TRIM47: variants seen among roughly 807,000 people sequenced by gnomAD.
The protein encoded by TRIM47 is E3 ubiquitin-protein ligase TRIM47.
Under a neutral mutation model 54.4 loss-of-function variants are expected in TRIM47, and 46 were observed. That is an observed-to-expected ratio of 0.84 (90% CI 0.67 to 1.08). TRIM47 has a LOEUF of 1.08. TRIM47 is among the 50% of genes least tolerant of loss of function. TRIM47 has a pLI of 0.00. For missense variants in TRIM47, 825 were observed against 910.1 expected, an observed-to-expected ratio of 0.91 and a Z score of 1.20; for synonymous variants, 392 against 410.2, an observed-to-expected ratio of 0.96 and a Z score of 0.54.
At position 75,875,774 on chromosome 17, in the gene TRIM47, G is replaced by A; in HGVS notation, c.1201+127C>T. The stretch of plus-strand genomic sequence containing the variant: ...GGGTGGCAGCTCTAGTCACTGGCAG[G>A]ATTTGGGCTCCTCCCTGTGCCAGGC... On this transcript the variant is annotated intron_variant, in intron 4 of 5. Coordinates refer to ENST00000254816, the MANE Select transcript of TRIM47 (RefSeq NM_033452.3). The surrounding 1 kb of genome is among the most constrained non-coding windows in gnomAD (Gnocchi z 6.1). 8.7e-7 allele frequency: 1 copy of A among 1,150,152 alleles called. No homozygotes were observed. The highest frequency in any genetic ancestry group is 1.2e-6 in the Non-Finnish European group (1 of 818,948). 71.2% of individuals were successfully genotyped at this position (1,150,152 alleles called of 1,614,324 possible).
rs776131189 is a variant in TRIM47 at position 75,874,866 on chromosome 17, G to A, written c.1534C>T (p.Arg512Trp). The A allele has an allele frequency of 9.3e-6, 15 of 1,613,986 alleles. No individual in the cohort carries two copies. The highest frequency in any genetic ancestry group is 2.2e-5 in the East Asian group (1 of 44,876). Residue 512 changes from arginine (R) to tryptophan (W), a missense_variant, in exon 6 of 6, where the codon CGG becomes TGG. Physicochemically the swap from Arg to Trp is moderately radical, Grantham distance 101 (BLOSUM62 -3). Coordinates refer to ENST00000254816, the MANE Select transcript of TRIM47 (RefSeq NM_033452.3). The surrounding 1 kb of genome is among the most constrained non-coding windows in gnomAD (Gnocchi z 6.2). The part of the protein sequence containing the change: ...FSPQEPYDRG[R>W]LGRNAHSCCL... ...CAGGAGTGGGCGTTGCGGCCCAGCC[G>A]GCCGCGGTCGTAGGGCTCTTGTGGG... is the stretch of plus-strand genomic sequence containing the variant.
intron 1 of TRIM47, chr17:75,877,237 C>G (rs1413701223): frequency 9.5e-6 from 2 of 210,008 alleles, no homozygotes; most frequent in Non-Finnish European, 2.0e-5. Flanking sequence ...AGCCTGCATC[C>G]ACAGTCCAGG....
chr17:75,874,637 G>A lies in TRIM47; in HGVS notation c.1763C>T (p.Ser588Phe), dbSNP rs1373463201. 2 of 1,586,796 alleles carry A rather than the reference G, an allele frequency of 1.3e-6. No homozygotes were observed. Among genetic ancestry groups the A allele is most frequent in the Admixed American group, 1.8e-5 (1 of 55,602 alleles). Residue 588 changes from serine to phenylalanine, a missense_variant, in exon 6 of 6, where the codon TCC becomes TTC. Ser to Phe is a radical substitution (Grantham distance 155). Transcript: ENST00000254816. The surrounding 1 kb of genome is among the most constrained non-coding windows in gnomAD (Gnocchi z 6.2). Reference protein sequence around the residue: ...SRPRRGGIPASPIDPFQSRLD... With the variant: ...SRPRRGGIPAFPIDPFQSRLD... ...GCGGCTCTGGAAGGGGTCAATGGGGGAGGCCGGGATGCCACCCCGGCGGGG... is the reference window on the plus strand; with the variant it reads ...GCGGCTCTGGAAGGGGTCAATGGGGAAGGCCGGGATGCCACCCCGGCGGGG...
Position 75,875,037 on chromosome 17 carries a change from G to T in TRIM47, c.1363C>A (p.Pro455Thr). Reference sequence around the variant, plus strand: ...GTGGGCGACAAGGGGTAGTTGATAGGACACAGCACCCTCTTGACACCTTTG... The same window carrying T: ...GTGGGCGACAAGGGGTAGTTGATAGTACACAGCACCCTCTTGACACCTTTG... ...GTKGVKRVLC[P>T]INYPLSPTRF... The change falls in exon 6 of 6, where the codon CCT becomes ACT. Residue 455 changes from proline (P) to threonine (T), a missense_variant. By Grantham distance (38) the Pro-to-Thr change is conservative. Coordinates refer to ENST00000254816, the MANE Select transcript of TRIM47 (RefSeq NM_033452.3). The surrounding 1 kb of genome is among the most constrained non-coding windows in gnomAD (Gnocchi z 6.1). 1 of 1,613,918 alleles carries T rather than the reference G, an allele frequency of 6.2e-7. No individual in the cohort carries two copies. The highest frequency in any genetic ancestry group is 8.5e-7 in the Non-Finnish European group (1 of 1,179,816).
Position 75,874,813 on chromosome 17 carries a change from G to A in TRIM47, c.1587C>T (p.Phe529=). Residue 529 remains phenylalanine, a synonymous_variant, in exon 6 of 6, where the codon TTC becomes TTT. Transcript: ENST00000254816. This position sits in a 1 kb window ranked among gnomAD's most constrained non-coding sequence, Gnocchi z 6.2. Reference sequence around the variant, plus strand: ...CCTCCAGCCCATGAAACCAGACGGAGAAGCTGCGTCCATTCCACTGCAGGC... The same window carrying A: ...CCTCCAGCCCATGAAACCAGACGGAAAAGCTGCGTCCATTCCACTGCAGGC... ...SCCLQWNGRS[F]SVWFHGLEAP... is the part of the protein sequence containing the mutation. 1 of 1,614,074 alleles carries A rather than the reference G, an allele frequency of 6.2e-7. No individual in the cohort carries two copies. The highest frequency in any genetic ancestry group is 8.5e-7 in the Non-Finnish European group (1 of 1,180,004).
At position 75,876,825 on chromosome 17, in the gene TRIM47, AC is replaced by A; in HGVS notation, c.676-13del. On this transcript the variant is annotated splice_polypyrimidine_tract_variant and intron_variant, in intron 1 of 5. Coordinates refer to ENST00000254816, the MANE Select transcript of TRIM47 (RefSeq NM_033452.3). ...TTGGACTGCTCAGCCTGTGGACAACACCCTCCATGAGTGTGAGGTCTGGCAG... is the reference window on the plus strand; with the variant it reads ...TTGGACTGCTCAGCCTGTGGACAACACCTCCATGAGTGTGAGGTCTGGCAG... 1 of 1,612,972 alleles carries A rather than the reference AC, an allele frequency of 6.2e-7. No individual in the cohort carries two copies. Among genetic ancestry groups the A allele is most frequent in the Non-Finnish European group, 8.5e-7 (1 of 1,179,662 alleles).
rs140656782 is a variant in TRIM47, at chr17:75,874,896, A to C, written c.1504T>G (p.Phe502Val). ...CGGTCGTAGGGCTCTTGTGGGGAGA[A>C]GTCTTCGGCCATGACCCCCATGCTG... ...WVSMGVMAED[F>V]SPQEPYDRGR... The change falls in exon 6 of 6, where the codon TTC becomes GTC. Residue 502 changes from phenylalanine to valine, a missense_variant. Transcript: ENST00000254816. This position sits in a 1 kb window ranked among gnomAD's most constrained non-coding sequence, Gnocchi z 6.2. The C allele has an allele frequency of 7.8e-4, 1,255 of 1,614,118 alleles. 9 individuals carry two copies. The highest frequency in any genetic ancestry group is 6.1e-3 in the South Asian group (554 of 91,084).
chr17:75,875,774 G>T lies in TRIM47; in HGVS notation c.1201+127C>A. 1 of 1,150,150 alleles carries T rather than the reference G, an allele frequency of 8.7e-7. No homozygotes were observed. Among genetic ancestry groups the T allele is most frequent in the Non-Finnish European group, 1.2e-6 (1 of 818,946 alleles). 71.2% of individuals were successfully genotyped at this position (1,150,150 alleles called of 1,614,324 possible). Reference sequence around the variant, plus strand: ...GGGTGGCAGCTCTAGTCACTGGCAGGATTTGGGCTCCTCCCTGTGCCAGGC... The same window carrying T: ...GGGTGGCAGCTCTAGTCACTGGCAGTATTTGGGCTCCTCCCTGTGCCAGGC... On this transcript the variant is annotated intron_variant, in intron 4 of 5. Coordinates refer to ENST00000254816, the MANE Select transcript of TRIM47 (RefSeq NM_033452.3). The surrounding 1 kb of genome is among the most constrained non-coding windows in gnomAD (Gnocchi z 6.1).
rs201939212 is a variant in TRIM47 at position 75,875,522 on chromosome 17, C to G, written c.1202-48G>C. On this transcript the variant is annotated intron_variant, in intron 4 of 5. Transcript: ENST00000254816. This position sits in a 1 kb window ranked among gnomAD's most constrained non-coding sequence, Gnocchi z 6.1. ...GAGAACGCCCCCAGACTGCCCCCCT[C>G]TGAACCTGTGACTACAATCCCTACC... 5.2e-6 allele frequency: 8 copies of G among 1,547,366 alleles called. No homozygotes were observed. In the Admixed American group the frequency reaches 1.2e-4, roughly 23 times the overall value.
chr17:75,877,461 C>T (rs1378730618), intron 1 of TRIM47: 3 of 197,900 alleles, frequency 1.5e-5, no homozygotes, highest in East Asian at 1.3e-4. Context: ...TCGCCCTCTG[C>T]CGCCCTCCTG....
At position 75,878,133 on chromosome 17, in the gene TRIM47, G is replaced by C; in HGVS notation, c.416C>G (p.Pro139Arg). ...GCAGGAGAGGCAGGACAGCGCGGCG[G>C]GCAGGGCCGCGCCCTCGGGGCACGC... ...CDACPEGAAL[P>R]AALSCLSCLA... Residue 139 changes from proline to arginine, a missense_variant, in exon 1 of 6, where the codon CCC (proline) becomes CGC (arginine). Pro to Arg is a moderately radical substitution (Grantham distance 103). Coordinates refer to ENST00000254816, the MANE Select transcript of TRIM47 (RefSeq NM_033452.3). The C allele has an allele frequency of 1.6e-6, 2 of 1,256,858 alleles. No homozygotes were observed. The highest frequency in any genetic ancestry group is 2.0e-6 in the Non-Finnish European group (2 of 1,002,130). The allele number at this position is 1,256,858 out of a possible 1,614,324, so 77.9% of individuals were successfully genotyped here.
Position 75,875,034 on chromosome 17 carries a change from T to A in TRIM47, c.1366A>T (p.Ile456Phe). The A allele has an allele frequency of 6.2e-7, 1 of 1,614,082 alleles. No individual in the cohort carries two copies. The highest frequency in any genetic ancestry group is 8.5e-7 in the Non-Finnish European group (1 of 1,179,976). ...TKGVKRVLCP[I>F]NYPLSPTRFT... ...CGGGTGGGCGACAAGGGGTAGTTGA[T>A]AGGACACAGCACCCTCTTGACACCT... Residue 456 changes from isoleucine (I) to phenylalanine (F), a missense_variant, in exon 6 of 6, where the codon ATC becomes TTC. Coordinates refer to ENST00000254816, the MANE Select transcript of TRIM47 (RefSeq NM_033452.3). This position sits in a 1 kb window ranked among gnomAD's most constrained non-coding sequence, Gnocchi z 6.1.
rs186048366 is a variant in TRIM47 at position 75,875,502 on chromosome 17, C to T, written c.1202-28G>A. On this transcript the variant is annotated intron_variant, in intron 4 of 5. Transcript: ENST00000254816. This position sits in a 1 kb window ranked among gnomAD's most constrained non-coding sequence, Gnocchi z 6.1. ...GTAGAAGAGGAGACAGTGGTGAGAA[C>T]GCCCCCAGACTGCCCCCCTCTGAAC... The T allele has an allele frequency of 2.8e-4, 442 of 1,599,234 alleles. 2 individuals carry two copies. In the African/African-American group the frequency reaches 5.2e-3, roughly 19 times the overall value.
chr17:75,878,144 G>A lies in TRIM47; in HGVS notation c.405C>T (p.Gly135=), dbSNP rs1037821742. 93 of 1,247,666 alleles carry A rather than the reference G, an allele frequency of 7.5e-5. No homozygotes were observed. Among genetic ancestry groups the A allele is most frequent in the Non-Finnish European group, 8.6e-5 (86 of 997,082 alleles). 77.3% of individuals were successfully genotyped at this position (1,247,666 alleles called of 1,614,324 possible). Residue 135 remains glycine (G), a synonymous_variant, in exon 1 of 6, where the codon GGC becomes GGT. Coordinates refer to ENST00000254816, the MANE Select transcript of TRIM47 (RefSeq NM_033452.3). ...AGGACAGCGCGGCGGGCAGGGCCGC[G>A]CCCTCGGGGCACGCGTCGCAGCGCA... The part of the protein sequence containing the change: ...EPVRCDACPE[G]AALPAALSCL...
In TRIM47 at chr17:75,875,159, G is replaced by A. The variant is rs1368424531; in HGVS notation, c.1277-36C>T. Reference sequence around the variant, plus strand: ...GGACAGAAGAGAGAGGCAGGGCTCAGGGCCAGGCTCAGAGGGCACGGCCCC... The same window carrying A: ...GGACAGAAGAGAGAGGCAGGGCTCAAGGCCAGGCTCAGAGGGCACGGCCCC... On this transcript the variant is annotated intron_variant, in intron 5 of 5. Transcript: ENST00000254816. The surrounding 1 kb of genome is among the most constrained non-coding windows in gnomAD (Gnocchi z 6.1). 2 of 1,558,434 alleles carry A rather than the reference G, an allele frequency of 1.3e-6. No homozygotes were observed. The highest frequency in any genetic ancestry group is 1.8e-5 in the Admixed American group (1 of 55,476).
In TRIM47 at chr17:75,874,818, T is replaced by C. The variant is rs763900480; in HGVS notation, c.1582A>G (p.Ser528Gly). 8 of 1,613,836 alleles carry C rather than the reference T, an allele frequency of 5.0e-6. No homozygotes were observed. The East Asian group carries it at 1.6e-4, about 31-fold the overall frequency. The change falls in exon 6 of 6, where the codon AGC (serine) becomes GGC (glycine). Residue 528 changes from serine (S) to glycine (G), a missense_variant. Ser to Gly is a moderately conservative substitution (Grantham distance 56). Coordinates refer to ENST00000254816, the MANE Select transcript of TRIM47 (RefSeq NM_033452.3). The surrounding 1 kb of genome is among the most constrained non-coding windows in gnomAD (Gnocchi z 6.2). ...AGCCCATGAAACCAGACGGAGAAGCTGCGTCCATTCCACTGCAGGCAGCAG... is the reference window on the plus strand; with the variant it reads ...AGCCCATGAAACCAGACGGAGAAGCCGCGTCCATTCCACTGCAGGCAGCAG... ...HSCCLQWNGRSFSVWFHGLEA... is the reference protein window; with the variant it reads ...HSCCLQWNGRGFSVWFHGLEA...
rs112050391 is a variant in TRIM47, at chr17:75,877,124, G to C, written c.676-311C>G. ...GATGAATTTGAGAACTTCCTCCGGC[G>C]GGGAAGAGGCAGAGAGTAAGCCAGT... On this transcript the variant is annotated intron_variant, in intron 1 of 5. Transcript: ENST00000254816. 1,687 of 390,696 alleles carry C rather than the reference G, an allele frequency of 4.3e-3. 24 individuals carry two copies. The highest frequency in any genetic ancestry group is 0.029 in the African/African-American group (1,475 of 50,042). 24.2% of individuals were successfully genotyped at this position (390,696 alleles called of 1,614,324 possible). A position where few individuals can be genotyped will look rare whatever the true frequency, so the allele number is the denominator to read the frequency against.
chr17:75,874,946 T>C lies in TRIM47; in HGVS notation c.1454A>G (p.Glu485Gly). ...GACCCAGCCCTCGATAATCTCCACCTCCCAGTAGTAGGTGCCTCGGTCCAG... is the reference window on the plus strand; with the variant it reads ...GACCCAGCCCTCGATAATCTCCACCCCCCAGTAGTAGGTGCCTCGGTCCAG... ...GALDRGTYYW[E>G]VEIIEGWVSM... Residue 485 changes from glutamate (E) to glycine (G), a missense_variant, in exon 6 of 6, where the codon GAG becomes GGG. Coordinates refer to ENST00000254816, the MANE Select transcript of TRIM47 (RefSeq NM_033452.3). The surrounding 1 kb of genome is among the most constrained non-coding windows in gnomAD (Gnocchi z 6.2). The C allele has an allele frequency of 6.2e-7, 1 of 1,613,848 alleles. No individual in the cohort carries two copies. Among genetic ancestry groups the C allele is most frequent in the South Asian group, 1.1e-5 (1 of 91,056 alleles).
In TRIM47 at chr17:75,878,574, C is replaced by T. The variant is rs920456927; in HGVS notation, c.-26G>A. ...GACTCCGCGGCCGCCCAGGGCGCCG[C>T]CGATTGTGCTCCGGCCTGGGAGGGA... On this transcript the variant is annotated 5_prime_UTR_variant, in exon 1 of 6. Transcript: ENST00000254816. The T allele has an allele frequency of 7.9e-7, 1 of 1,263,464 alleles. No individual in the cohort carries two copies. The highest frequency in any genetic ancestry group is 1.0e-6 in the Non-Finnish European group (1 of 1,000,124). The allele number at this position is 1,263,464 out of a possible 1,614,324, so 78.3% of individuals were successfully genotyped here. A position where few individuals can be genotyped will look rare whatever the true frequency, so the allele number is the denominator to read the frequency against.
Sources: allele counts gnomAD v4.1 joint callset, GRCh38; gene constraint gnomAD v4.1.1; non-coding constraint Gnocchi (gnomAD v3.1); transcripts MANE v1.5; gene names NCBI Gene and HGNC (gene_info 2026-07-23, HGNC 2026-07-21).